TRIM5: variants seen among roughly 807,000 people sequenced by gnomAD.
TRIM5 encodes tripartite motif-containing protein 5.
TRIM5 carries 31 observed loss-of-function variants against 35.6 expected under a neutral mutation model. The observed-to-expected ratio is 0.87, with a 90% CI of 0.65 to 1.18. TRIM5 has a LOEUF of 1.18. TRIM5 is among the 50% of genes most tolerant of loss of function. The probability of loss-of-function intolerance (pLI) is 0.00; values close to 1 mark genes in which losing one functional copy is unlikely to be tolerated. For missense variants in TRIM5, 609 were observed against 591.6 expected (o/e 1.03, Z -0.31); for synonymous variants, 243 against 215.6 (o/e 1.13, Z -1.11).
At chr11:5,661,917 T>C (rs1381783064), downstream of TRIM5, among the ~76,000 whole-genome samples, 3 of 152,234 alleles carry the variant, frequency 2.0e-5, no homozygotes, top group Admixed American at 6.5e-5. Flanking sequence ...GGGTACTTCA[T>C]CCTGAGCTGT....
the TRIM5 span, chr11:5,605,457 C>T: frequency 6.2e-6 from 10 of 1,614,122 alleles, no homozygotes; most frequent in Non-Finnish European, 8.5e-6. Context: ...GAAGGGGCTA[C>T]GAATTATAGA....
chr11:5,640,620 T>C, the TRIM5 span, among the ~76,000 whole-genome samples: 2 of 152,162 alleles, frequency 1.3e-5, no homozygotes, highest in Non-Finnish European at 2.9e-5. Flanking sequence ...TGTCTTTGGT[T>C]CTTTTATCAG....
chr11:5,626,217 A>G, the TRIM5 span, among the ~76,000 whole-genome samples: 1 of 152,252 alleles, frequency 6.6e-6, no homozygotes, highest in African/African-American at 2.4e-5. Flanking sequence ...CAGGCTGCTA[A>G]TGTAAAAACG....
Position 5,663,466 on chromosome 11 carries a change from T to C in TRIM5, c.*1343A>G. On this transcript the variant is annotated 3_prime_UTR_variant, in exon 8 of 8. Coordinates refer to ENST00000380034, the MANE Select transcript of TRIM5 (RefSeq NM_033034.3). ...TTAGTAAATCCAATCCTAGTTTCCC[T>C]GAAGGCACAACCTGTTCCATGAGAC... The C allele has an allele frequency of 9.1e-6, 9 of 985,364 alleles. No individual in the cohort carries two copies. Among genetic ancestry groups the C allele is most frequent in the Non-Finnish European group, 1.1e-5 (9 of 829,858 alleles). 61.0% of individuals were successfully genotyped at this position (985,364 alleles called of 1,614,324 possible). A position where few individuals can be genotyped will look rare whatever the true frequency, so the allele number is the denominator to read the frequency against.
the TRIM5 span, chr11:5,605,643 A>G: frequency 4.7e-6 from 7 of 1,487,648 alleles, no homozygotes; most frequent in East Asian, 1.4e-4. Flanking sequence ...CTGGGACATC[A>G]GACTACCATC....
intron 4 of TRIM5, among the ~76,000 whole-genome samples, chr11:5,672,084 T>G (rs1401212118): frequency 6.6e-6 from 1 of 152,192 alleles, no homozygotes; most frequent in Non-Finnish European, 1.5e-5. Context: ...TTGAAAGCAC[T>G]AAAAGAAACT....
intron 2 of TRIM5, 47 bp from the exon 3 acceptor site, chr11:5,679,216 C>T: frequency 6.6e-7 from 1 of 1,513,514 alleles, no homozygotes; most frequent in Non-Finnish European, 9.1e-7. Flanking sequence ...GGTTTTCCAG[C>T]ACCTAGATAG....
At chr11:5,642,839 C>T in the TRIM5 span, 2 of 1,613,932 alleles carry the variant, frequency 1.2e-6, no homozygotes, top group Middle Eastern at 1.7e-4. Flanking sequence ...TCCGGTGCTA[C>T]TGGGGTAAGA....
At chr11:5,603,599 T>A in the TRIM5 span, 30 of 1,613,650 alleles carry the variant, frequency 1.9e-5, no homozygotes, top group Non-Finnish European at 2.5e-5. Flanking sequence ...AAAGCAGTTC[T>A]TTGTGCAGAC....
At chr11:5,639,697 AAAAAAAAAAAG>A in the TRIM5 span, among the ~76,000 whole-genome samples, 2,737 of 149,716 alleles carry the variant, frequency 0.018, 102 homozygotes, top group African/African-American at 0.062. Flanking sequence ...AAAAAAAAAA[AAAAAAAAAAAG>A]ATTGGAAGAG....
chr11:5,655,499 A>G, the TRIM5 span, among the ~76,000 whole-genome samples: 1 of 152,226 alleles, frequency 6.6e-6, no homozygotes, highest in Admixed American at 6.5e-5. Flanking sequence ...AAAGGATTTT[A>G]TAAGCCAGGA....
the TRIM5 span, among the ~76,000 whole-genome samples, chr11:5,652,083 C>T: frequency 2.7e-4 from 41 of 152,080 alleles, no homozygotes; most frequent in East Asian, 3.9e-4. Context: ...TATTTTCTCC[C>T]ATTTTGTAGG....
rs1218559247 is a variant in TRIM5 at position 5,677,112 on chromosome 11, TTAAAC to T, written c.744+1087_744+1091del. On this transcript the variant is annotated intron_variant, in intron 4 of 7. Transcript: ENST00000380034. ...GACAAAATTGACAAATGGGATCTAA[TTAAAC>T]TAAAGAGCTTCTGCACAGCAAAAGA... Among the ~76,000 whole-genome samples the T allele has an allele frequency of 2.6e-5, 4 of 151,894 alleles. No individual in the cohort carries two copies. The East Asian group carries it at 5.8e-4, about 22-fold the overall frequency.
rs753349718 is a variant in TRIM5, at chr11:5,667,760, C to T, written c.745-49G>A. On this transcript the variant is annotated intron_variant, in intron 4 of 7. Transcript: ENST00000380034. Reference sequence around the variant, plus strand: ...AATTAAGAAAGAAAGAGTCTCTCCTCACTTATAAAGCTTCATCACATTTCC... The same window carrying T: ...AATTAAGAAAGAAAGAGTCTCTCCTTACTTATAAAGCTTCATCACATTTCC... 2.5e-6 allele frequency: 4 copies of T among 1,599,106 alleles called. No individual in the cohort carries two copies. In the Admixed American group the frequency reaches 5.1e-5, roughly 21 times the overall value.
the TRIM5 span, chr11:5,610,537 C>G: frequency 6.2e-7 from 1 of 1,613,990 alleles, no homozygotes; most frequent in African/African-American, 1.3e-5. Context: ...CATTACAGAG[C>G]TGACAGATGT....
rs1248315821 is a variant in TRIM5 at position 5,679,075 on chromosome 11, T to C, written c.512A>G (p.Lys171Arg). 1.2e-6 allele frequency: 2 copies of C among 1,613,612 alleles called. No individual in the cohort carries two copies. The highest frequency in any genetic ancestry group is 1.3e-5 in the African/African-American group (1 of 74,922). Residue 171 changes from lysine to arginine, a missense_variant and splice_region_variant, in exon 3 of 8, where the codon AAG (lysine) becomes AGG (arginine). By Grantham distance (26) the Lys-to-Arg change is conservative. Transcript: ENST00000380034. ...CCTTCGGGAACCACATCCTCTTGCC[T>C]TCCAGGAAGCTTTCTCTTCTCTGAT... ...ADIREEKASW[K>R]TQIQYDKTNV...
intron 4 of TRIM5, among the ~76,000 whole-genome samples, chr11:5,671,590 T>C (rs531845934): frequency 7.2e-5 from 11 of 152,034 alleles, no homozygotes; most frequent in East Asian, 3.9e-4. Context: ...AAAAAGATCA[T>C]TGAACCTGAA....
the TRIM5 span, chr11:5,590,913 G>A: frequency 1.9e-5 from 3 of 157,452 alleles, no homozygotes; most frequent in Non-Finnish European, 2.8e-5. Flanking sequence ...ACATCAGAAG[G>A]AACAAACTCT....
the TRIM5 span, chr11:5,642,318 G>C: frequency 8.3e-7 from 1 of 1,205,190 alleles, no homozygotes; most frequent in Non-Finnish European, 1.2e-6. Flanking sequence ...AAGTGCATCA[G>C]TGATGTGAAG....
Sources: allele counts gnomAD v4.1 joint callset (sites outside exome capture counted in the v4.1 genomes callset), GRCh38; gene constraint gnomAD v4.1.1; transcripts MANE v1.5; gene names NCBI Gene and HGNC (gene_info 2026-07-23, HGNC 2026-07-21).